KCNN2: variants seen among roughly 807,000 people sequenced by gnomAD.
The protein encoded by KCNN2 is small conductance calcium-activated potassium channel protein 2.
In KCNN2, 24 loss-of-function variants were observed where a neutral mutation model predicts 55.5. The ratio of observed to expected loss-of-function variants is 0.43; its 90% confidence interval spans 0.31 to 0.61. The LOEUF is 0.61. KCNN2 is among the 20% of genes least tolerant of loss of function. The pLI, the probability that KCNN2 is intolerant of heterozygous loss-of-function variation, is 0.08. For synonymous variants in KCNN2, 431 were observed against 336.1 expected (o/e 1.28, Z -3.09); for missense variants, 754 against 853.6 (o/e 0.88, Z 1.45).
intron 2 of KCNN2, among the ~76,000 whole-genome samples, chr5:114,294,078 T>C (rs2150019258): frequency 6.6e-6 from 1 of 152,324 alleles, no homozygotes; most frequent in African/African-American, 2.4e-5. Context: ...TTGATTCTTC[T>C]CTCTTTTTTT....
intron 2 of KCNN2, among the ~76,000 whole-genome samples, chr5:114,253,968 T>C (rs1754931635): frequency 6.6e-6 from 1 of 152,244 alleles, no homozygotes; most frequent in South Asian, 2.1e-4. Context: ...AACAATTGCA[T>C]GCCAAGTATA....
intron 1 of KCNN2, among the ~76,000 whole-genome samples, chr5:114,066,859 GTGAGCCACCGTGCCTGGCTA>G (rs1197744951): frequency 3.3e-5 from 5 of 152,202 alleles, no homozygotes; most frequent in Non-Finnish European, 7.3e-5. Flanking sequence ...GATTACAGGC[GTGAGCCACCGTGCCTGGCTA>G]TGATTCAAGT....
intron 1 of KCNN2, among the ~76,000 whole-genome samples, chr5:114,098,800 C>A (rs1751315647): frequency 6.6e-6 from 1 of 152,034 alleles, no homozygotes; most frequent in Admixed American, 6.6e-5. Context: ...TTTTTTCCCT[C>A]TTTTATTTGT....
chr5:114,311,754 G>A (rs1756394175), intron 2 of KCNN2, among the ~76,000 whole-genome samples: 1 of 152,006 alleles, frequency 6.6e-6, no homozygotes, highest in African/African-American at 2.4e-5. Flanking sequence ...ATGAATCTTT[G>A]GTTTCAATTT....
At chr5:114,142,049 A>G (rs62381859) in intron 1 of KCNN2, among the ~76,000 whole-genome samples, 17,013 of 152,144 alleles carry the variant, frequency 0.11, 1,087 homozygotes, top group African/African-American at 0.18. Context: ...TCAGATGAGT[A>G]GATTGCAAAA....
chr5:114,477,673 T>C (rs1213707410), intron 5 of KCNN2, among the ~76,000 whole-genome samples: 2 of 152,208 alleles, frequency 1.3e-5, no homozygotes, highest in Non-Finnish European at 2.9e-5. Flanking sequence ...CTTTTGGAAA[T>C]ATATTATTAT....
chr5:114,441,635 ATATAAATG>A (rs1760218876), intron 3 of KCNN2, among the ~76,000 whole-genome samples: 2 of 152,214 alleles, frequency 1.3e-5, no homozygotes, highest in South Asian at 4.1e-4. Context: ...TTCAAACTGT[ATATAAATG>A]TATAATTTTT....
At chr5:114,311,793 C>A (rs1191623305) in intron 2 of KCNN2, among the ~76,000 whole-genome samples, 1 of 152,104 alleles carries the variant, frequency 6.6e-6, no homozygotes, top group Non-Finnish European at 1.5e-5. Flanking sequence ...TTTTCAAGTT[C>A]TTGCTTTGCC....
intron 1 of KCNN2, among the ~76,000 whole-genome samples, chr5:114,110,663 T>C (rs1179096364): frequency 6.6e-6 from 1 of 152,086 alleles, no homozygotes; most frequent in Non-Finnish European, 1.5e-5. Context: ...AGGACATTTC[T>C]ATTTTAAGCT....
chr5:114,125,335 A>C (rs1253757355), intron 1 of KCNN2, among the ~76,000 whole-genome samples: 1 of 152,212 alleles, frequency 6.6e-6, no homozygotes, highest in Non-Finnish European at 1.5e-5. Flanking sequence ...TTGGAGTCTC[A>C]GCTGAAATTA....
chr5:114,338,599 A>G (rs1756964416), intron 2 of KCNN2, among the ~76,000 whole-genome samples: 1 of 152,248 alleles, frequency 6.6e-6, no homozygotes. Context: ...AGCTCTTCCT[A>G]TTATTCTACA....
intron 2 of KCNN2, among the ~76,000 whole-genome samples, chr5:114,288,499 T>TACACACACACACACACAC (rs1203371494): frequency 3.6e-5 from 5 of 139,616 alleles, no homozygotes; most frequent in East Asian, 2.2e-4. Context: ...TATATATATA[T>TACACACACACACACACAC]ACACACACAC....
intron 3 of KCNN2, among the ~76,000 whole-genome samples, chr5:114,442,021 T>C (rs1206778446): frequency 6.6e-6 from 1 of 152,196 alleles, no homozygotes; most frequent in African/African-American, 2.4e-5. Context: ...TATTTTAGTA[T>C]AGCTCAGAAT....
intron 1 of KCNN2, among the ~76,000 whole-genome samples, chr5:114,162,922 A>G (rs1197394424): frequency 6.6e-6 from 1 of 152,142 alleles, no homozygotes; most frequent in Non-Finnish European, 1.5e-5. Context: ...TGACTAGGAA[A>G]GGGACTTCCC....
At chr5:114,489,268 G>A (rs142547618) in intron 6 of KCNN2, among the ~76,000 whole-genome samples, 9 of 152,160 alleles carry the variant, frequency 5.9e-5, no homozygotes, top group East Asian at 1.9e-4. Context: ...CAACTTTGCC[G>A]TTAGGTTATT....
At chr5:114,080,205 A>G (rs986865812) in intron 1 of KCNN2, among the ~76,000 whole-genome samples, 1 of 152,222 alleles carries the variant, frequency 6.6e-6, no homozygotes, top group South Asian at 2.1e-4. Flanking sequence ...TGGATGAGAC[A>G]TTTGAAAACT....
chr5:114,259,735 C>G (rs934815227), intron 2 of KCNN2, among the ~76,000 whole-genome samples: 8 of 152,252 alleles, frequency 5.3e-5, no homozygotes, highest in South Asian at 2.1e-4. Flanking sequence ...CCCACTCACC[C>G]TTCCAATGAA....
chr5:114,320,029 C>G (rs562677261), intron 2 of KCNN2, among the ~76,000 whole-genome samples: 1 of 152,212 alleles, frequency 6.6e-6, no homozygotes, highest in African/African-American at 2.4e-5. Flanking sequence ...AAATGTTTAC[C>G]CATTGTTACT....
chr5:114,175,076 A>T (rs1753108415), intron 1 of KCNN2, among the ~76,000 whole-genome samples: 1 of 152,182 alleles, frequency 6.6e-6, no homozygotes, highest in African/African-American at 2.4e-5. Flanking sequence ...TCAGCATGTT[A>T]TGACAGTTTG....
Sources: allele counts gnomAD v4.1 joint callset (sites outside exome capture counted in the v4.1 genomes callset), GRCh38; gene constraint gnomAD v4.1.1; transcripts MANE v1.5; gene names NCBI Gene and HGNC (gene_info 2026-07-23, HGNC 2026-07-21).